RAB28: variants seen among roughly 807,000 people sequenced by gnomAD.
RAB28 encodes RAB28, member RAS oncogene family.
RAB28 carries 24 observed loss-of-function variants against 31.7 expected under a neutral mutation model. The observed-to-expected ratio is 0.76, with a 90% CI of 0.55 to 1.06. The LOEUF (loss-of-function observed/expected upper bound fraction) is 1.06, where lower values mean the gene tolerates loss of function less well. Among genes scored for constraint, RAB28 ranks in the 50% least tolerant of loss-of-function variants. The pLI is 0.00. For synonymous variants in RAB28, 100 were observed against 90.4 expected, an observed-to-expected ratio of 1.11 and a Z score of -0.60; for missense variants, 254 against 258.5, an observed-to-expected ratio of 0.98 and a Z score of 0.12.
At chr4:13,442,738 A>G (rs1398049919) in intron 4 of RAB28, among the ~76,000 whole-genome samples, 1 of 152,192 alleles carries the variant, frequency 6.6e-6, no homozygotes, top group African/African-American at 2.4e-5. Flanking sequence ...GCACTATTAT[A>G]TAACAGATAT....
At chr4:13,372,763 G>C (rs533991934) in intron 6 of RAB28, among the ~76,000 whole-genome samples, 1 of 151,974 alleles carries the variant, frequency 6.6e-6, no homozygotes, top group Admixed American at 6.6e-5. Flanking sequence ...TTCAGGTAAA[G>C]CTAAAAAGCA....
At chr4:13,437,500 T>A (rs894632168) in intron 4 of RAB28, among the ~76,000 whole-genome samples, 4 of 151,592 alleles carry the variant, frequency 2.6e-5, no homozygotes, top group African/African-American at 7.3e-5. Context: ...CTGTAAGGAA[T>A]TTAAGTCAAG....
At chr4:13,460,660 G>C in intron 4 of RAB28, 39 bp downstream of exon 4, 1 of 1,612,156 alleles carries the variant, frequency 6.2e-7, no homozygotes, top group Non-Finnish European at 8.5e-7. Context: ...ACAACAGCAA[G>C]TAAACTGTAC....
chr4:13,442,770 T>C (rs574450978), intron 4 of RAB28, among the ~76,000 whole-genome samples: 2 of 152,278 alleles, frequency 1.3e-5, no homozygotes, highest in South Asian at 2.1e-4. Flanking sequence ...CTTTATATAG[T>C]TTAAATTCTT....
intron 4 of RAB28, among the ~76,000 whole-genome samples, chr4:13,431,469 T>C (rs1713801157): frequency 6.6e-6 from 1 of 152,168 alleles, no homozygotes; most frequent in Non-Finnish European, 1.5e-5. Context: ...GCTCTTATTT[T>C]TAAGCGCCAT....
chr4:13,403,081 C>G (rs1711864242), intron 4 of RAB28, among the ~76,000 whole-genome samples: 1 of 152,128 alleles, frequency 6.6e-6, no homozygotes. Flanking sequence ...AGGTGTGAGT[C>G]AGTGCGCCCG....
intron 4 of RAB28, chr4:13,459,724 G>A (rs756649167): frequency 2.7e-5 from 27 of 1,010,044 alleles, no homozygotes; most frequent in Non-Finnish European, 3.1e-5. Flanking sequence ...CAAAAATTTA[G>A]AAGAGGAAGT....
chr4:13,480,918 A>G (rs1455052759), intron 1 of RAB28, among the ~76,000 whole-genome samples: 2 of 151,934 alleles, frequency 1.3e-5, no homozygotes, highest in Admixed American at 6.6e-5. Flanking sequence ...TCTAACTTAG[A>G]CCACAAAATC....
intron 3 of RAB28, among the ~76,000 whole-genome samples, chr4:13,468,557 T>A (rs1413045167): frequency 1.3e-5 from 2 of 151,468 alleles, no homozygotes; most frequent in Non-Finnish European, 1.5e-5. Flanking sequence ...CCAAAACTTG[T>A]GGAATACAGC....
chr4:13,401,886 T>C (rs77712211), intron 4 of RAB28, among the ~76,000 whole-genome samples: 2,603 of 152,338 alleles, frequency 0.017, 83 homozygotes, highest in African/African-American at 0.059. Flanking sequence ...ACTTAGTTTT[T>C]CAAGTATAAG....
At chr4:13,447,551 G>T (rs1714762033) in intron 4 of RAB28, among the ~76,000 whole-genome samples, 1 of 152,098 alleles carries the variant, frequency 6.6e-6, no homozygotes, top group Non-Finnish European at 1.5e-5. Context: ...TGAAATTTCA[G>T]AAAACAATGT....
At chr4:13,388,545 C>T (rs1577163092) in intron 4 of RAB28, among the ~76,000 whole-genome samples, 1 of 151,920 alleles carries the variant, frequency 6.6e-6, no homozygotes, top group African/African-American at 2.4e-5. Flanking sequence ...TAAAAATTTT[C>T]GTGTATCAAA....
At chr4:13,412,119 A>C (rs1469890864) in intron 4 of RAB28, among the ~76,000 whole-genome samples, 1 of 152,174 alleles carries the variant, frequency 6.6e-6, no homozygotes, top group African/African-American at 2.4e-5. Flanking sequence ...GAGCAAATTC[A>C]GTCAAGGTAA....
intron 1 of RAB28, among the ~76,000 whole-genome samples, chr4:13,482,770 A>C (rs1716670558): frequency 6.6e-6 from 1 of 152,208 alleles, no homozygotes; most frequent in South Asian, 2.1e-4. Context: ...GGATCCAAGA[A>C]GACAAGAAAG....
chr4:13,464,904 G>A (rs971006914), intron 3 of RAB28, among the ~76,000 whole-genome samples: 2 of 152,036 alleles, frequency 1.3e-5, no homozygotes, highest in African/African-American at 4.8e-5. Flanking sequence ...CTAATATGTT[G>A]AGGGTTCTAA....
chr4:13,452,958 A>G (rs1475126053), intron 4 of RAB28, among the ~76,000 whole-genome samples: 1 of 151,836 alleles, frequency 6.6e-6, no homozygotes, highest in Admixed American at 6.6e-5. Context: ...TGTTGATATC[A>G]GATATGTATA....
chr4:13,475,670 C>T (rs531476913), intron 2 of RAB28, among the ~76,000 whole-genome samples: 8 of 149,874 alleles, frequency 5.3e-5, no homozygotes, highest in African/African-American at 1.0e-4. Context: ...CATTAATGAG[C>T]GCTAATGTTT....
intron 1 of RAB28, among the ~76,000 whole-genome samples, chr4:13,482,016 G>A (rs977159981): frequency 2.0e-5 from 3 of 152,134 alleles, no homozygotes; most frequent in Non-Finnish European, 2.9e-5. Flanking sequence ...AGAAGGTTAG[G>A]TGTCAGATGT....
intron 4 of RAB28, among the ~76,000 whole-genome samples, chr4:13,416,354 C>G (rs1046493249): frequency 6.6e-6 from 1 of 152,146 alleles, no homozygotes; most frequent in Non-Finnish European, 1.5e-5. Context: ...GGAAGAAACT[C>G]CGAATATATC....
Sources: gnomAD v4.1 joint callset for allele counts (sites outside exome capture counted in the v4.1 genomes callset) on GRCh38, gnomAD v4.1.1 for gene constraint, MANE v1.5 for transcripts, NCBI Gene and HGNC (gene_info 2026-07-23, HGNC 2026-07-21) for gene names.